Variants in DLL4 observed in about 807,000 individuals in gnomAD.
The protein encoded by DLL4 is delta like canonical Notch ligand 4, also known as delta-like protein 4.
In DLL4, 7 loss-of-function variants were observed where a neutral mutation model predicts 73.6. The ratio of observed to expected loss-of-function variants is 0.10; its 90% CI spans 0.05 to 0.18. The LOEUF is 0.18. Ranked by LOEUF, DLL4 falls within the 10% of genes least tolerant of loss-of-function variation. The pLI, the probability that DLL4 is intolerant of heterozygous loss-of-function variation, is 1.00. For synonymous variants in DLL4, 345 were observed against 374.3 expected (o/e 0.92, Z 0.90); for missense variants, 614 against 929.9 (o/e 0.66, Z 4.42).
chr15:40,936,304 C>T lies in DLL4; in HGVS notation c.1317C>T (p.Leu439=), dbSNP rs1202504602. ...RPGFTGTYCE[L]HVSDCARNPC... ...GATTCACGGGCACCTACTGTGAACT[C>T]CACGTCAGCGACTGTGCCCGTAACC... The change falls in exon 9 of 11, where the codon CTC becomes CTT. Residue 439 remains leucine, a synonymous_variant. Coordinates refer to ENST00000249749, the MANE Select transcript of DLL4 (RefSeq NM_019074.4). 1.1e-5 allele frequency: 18 copies of T among 1,609,136 alleles called. No individual in the cohort carries two copies. The highest frequency in any genetic ancestry group is 1.4e-5 in the Non-Finnish European group (17 of 1,178,350).
At chr15:40,937,634 G>A in intron 10 of DLL4, 108 bp downstream of exon 10, 2 of 841,392 alleles carry the variant, frequency 2.4e-6, no homozygotes, top group Non-Finnish European at 2.0e-6. Flanking sequence ...CCCTGCCTTG[G>A]CAGGCCAAGT....
chr15:40,935,212 T>G (rs1892826380), intron 8 of DLL4, 95 bp downstream of exon 8: 1 of 1,225,196 alleles, frequency 8.2e-7, no homozygotes, highest in South Asian at 1.4e-5. Context: ...AGGCATTGTC[T>G]GCCACTCTGG....
Position 40,932,239 on chromosome 15 carries a change from G to C in DLL4, c.719+8G>C, listed in dbSNP as rs970761430. Reference sequence around the variant, plus strand: ...CAAGCCAGCAGAGTGCCTGTGAGTAGGGGACAGGAAGTGGTGAGTGGGAGC... The same window carrying C: ...CAAGCCAGCAGAGTGCCTGTGAGTACGGGACAGGAAGTGGTGAGTGGGAGC... On this transcript the variant is annotated splice_region_variant and intron_variant, in intron 5 of 10. Transcript: ENST00000249749. 3.7e-6 allele frequency: 6 copies of C among 1,613,940 alleles called. No individual in the cohort carries two copies. The African/African-American group carries it at 8.0e-5, about 22-fold the overall frequency.
chr15:40,931,468 C>G, intron 3 of DLL4, 35 bp from the exon 4 acceptor site: 1 of 1,586,428 alleles, frequency 6.3e-7, no homozygotes, highest in Non-Finnish European at 8.6e-7. Context: ...TGGGGACTGG[C>G]GACCCTTCCC....
chr15:40,932,495 C>T (rs145277806), intron 6 of DLL4, 48 bp downstream of exon 6: 48,126 of 1,605,782 alleles, frequency 0.03, 872 homozygotes, highest in South Asian at 0.039. Context: ...AGATATGGGG[C>T]TGGGGGGTGG....
chr15:40,936,869 C>T lies in DLL4; in HGVS notation c.1882C>T (p.Pro628Ser), dbSNP rs1445413898. 1 of 1,612,854 alleles carries T rather than the reference C, an allele frequency of 6.2e-7. No homozygotes were observed. Among genetic ancestry groups the T allele is most frequent in the African/African-American group, 1.3e-5 (1 of 74,890 alleles). Residue 628 changes from proline (P) to serine (S), a missense_variant, in exon 9 of 11, where the codon CCA becomes TCA. Physicochemically the swap from Pro to Ser is moderately conservative, Grantham distance 74. This residue lies in a region of DLL4 where 386 missense variants were observed against 541.3 expected (regional missense o/e 0.71). Coordinates refer to ENST00000249749, the MANE Select transcript of DLL4 (RefSeq NM_019074.4). ...APGPLGRGTM[P>S]GKFPHSDKSL... ...AGGGCCCCTGGGGCGGGGGACCATGCCAGGAAAGTTTCCCCACAGTGACAA... is the reference window on the plus strand; with the variant it reads ...AGGGCCCCTGGGGCGGGGGACCATGTCAGGAAAGTTTCCCCACAGTGACAA...
rs777007347 is a variant in DLL4, at chr15:40,930,730, C to T, written c.394+48C>T. 6.3e-6 allele frequency: 10 copies of T among 1,584,564 alleles called. No homozygotes were observed. The highest frequency in any genetic ancestry group is 2.2e-5 in the South Asian group (2 of 89,772). On this transcript the variant is annotated intron_variant, in intron 3 of 10. Transcript: ENST00000249749. This position sits in a 1 kb window ranked among gnomAD's most constrained non-coding sequence, Gnocchi z 5.7. ...ACAGGGGGGCGACACGGCGCAGCGC[C>T]GAAAGAGTTAATCTGTTCTAGGCGG...
At chr15:40,931,094 C>T in intron 3 of DLL4, 1 of 368,514 alleles carries the variant, frequency 2.7e-6, no homozygotes, top group Non-Finnish European at 4.9e-6. Context: ...AAACCATTAC[C>T]CACCTCTGGA....
Position 40,936,441 on chromosome 15 carries a change from C to T in DLL4, c.1454C>T (p.Ala485Val), listed in dbSNP as rs1290395397. 1 of 1,611,128 alleles carries T rather than the reference C, an allele frequency of 6.2e-7. No individual in the cohort carries two copies. The change falls in exon 9 of 11, where the codon GCC becomes GTC. Residue 485 changes from alanine to valine, a missense_variant. Coordinates refer to ENST00000249749, the MANE Select transcript of DLL4 (RefSeq NM_019074.4). ...GTGCGGACATCCATCGATGCCTGTG[C>T]CTCGAGTCCCTGCTTCAACAGGGCC... is the stretch of plus-strand genomic sequence containing the variant. ...CEVRTSIDACASSPCFNRATC... is the reference protein window; with the variant it reads ...CEVRTSIDACVSSPCFNRATC...
At chr15:40,937,584 A>C (rs934439839) in intron 10 of DLL4, 58 bp downstream of exon 10, 1 of 1,282,550 alleles carries the variant, frequency 7.8e-7, no homozygotes, top group East Asian at 2.3e-5. Flanking sequence ...TGGCCTGGTC[A>C]CTCTTGACCC....
Position 40,930,719 on chromosome 15 carries a change from C to T in DLL4, c.394+37C>T, listed in dbSNP as rs1892756886. On this transcript the variant is annotated intron_variant, in intron 3 of 10. Coordinates refer to ENST00000249749, the MANE Select transcript of DLL4 (RefSeq NM_019074.4). This position sits in a 1 kb window ranked among gnomAD's most constrained non-coding sequence, Gnocchi z 5.7. The stretch of plus-strand genomic sequence containing the variant: ...GCTCCGCCACCACAGGGGGGCGACA[C>T]GGCGCAGCGCCGAAAGAGTTAATCT... The T allele has an allele frequency of 6.2e-7, 1 of 1,600,326 alleles. No homozygotes were observed. The highest frequency in any genetic ancestry group is 8.6e-7 in the Non-Finnish European group (1 of 1,168,482).
Position 40,938,292 on chromosome 15 carries a change from C to T in DLL4, c.*258C>T, listed in dbSNP as rs915297932. 6 of 382,892 alleles carry T rather than the reference C, an allele frequency of 1.6e-5. No individual in the cohort carries two copies. Among genetic ancestry groups the T allele is most frequent in the African/African-American group, 4.2e-5 (2 of 47,920 alleles). The allele number at this position is 382,892 out of a possible 1,614,324, so 23.7% of individuals were successfully genotyped here. On this transcript the variant is annotated 3_prime_UTR_variant, in exon 11 of 11. Coordinates refer to ENST00000249749, the MANE Select transcript of DLL4 (RefSeq NM_019074.4). ...AGAAGAGAAGAGAGATGCCACTGGG[C>T]ACTGCCCTGCCAGTAGTGGCCTTCA... is the stretch of plus-strand genomic sequence containing the variant.
rs1374510156 is a variant in DLL4 at position 40,929,607 on chromosome 15, A to C, written c.-62A>C. The C allele has an allele frequency of 5.7e-6, 8 of 1,407,318 alleles. No homozygotes were observed. The highest frequency in any genetic ancestry group is 7.5e-6 in the Non-Finnish European group (8 of 1,072,056). 87.2% of individuals were successfully genotyped at this position (1,407,318 alleles called of 1,614,324 possible). Reference sequence around the variant, plus strand: ...CCGCCGGCTGGCGGACGCGCGGGAAAGCGGCGTCGCGAACAGAGCCAGATT... The same window carrying C: ...CCGCCGGCTGGCGGACGCGCGGGAACGCGGCGTCGCGAACAGAGCCAGATT... On this transcript the variant is annotated 5_prime_UTR_variant, in exon 1 of 11. Transcript: ENST00000249749. The surrounding 1 kb of genome is among the most constrained non-coding windows in gnomAD (Gnocchi z 7.1).
rs966539891 is a variant in DLL4 at position 40,929,353 on chromosome 15, C to A, written c.-316C>A. The A allele has an allele frequency of 3.3e-5, 13 of 398,548 alleles. No homozygotes were observed. Among genetic ancestry groups the A allele is most frequent in the African/African-American group, 2.5e-4 (12 of 48,256 alleles). 24.7% of individuals were successfully genotyped at this position (398,548 alleles called of 1,614,324 possible). Reference sequence around the variant, plus strand: ...CGCGCAGGTTTCAGTAGCGGCGCTGCGCGCAGGCCGGGAACACGAGGCCAA... The same window carrying A: ...CGCGCAGGTTTCAGTAGCGGCGCTGAGCGCAGGCCGGGAACACGAGGCCAA... On this transcript the variant is annotated 5_prime_UTR_variant, in exon 1 of 11. Transcript: ENST00000249749. This position sits in a 1 kb window ranked among gnomAD's most constrained non-coding sequence, Gnocchi z 7.1.
chr15:40,929,984 C>G lies in DLL4; in HGVS notation c.204C>G (p.Val68=). 6.2e-7 allele frequency: 1 copy of G among 1,613,052 alleles called. No homozygotes were observed. The highest frequency in any genetic ancestry group is 8.5e-7 in the Non-Finnish European group (1 of 1,179,758). The change falls in exon 2 of 11, where the codon GTC becomes GTG. Residue 68 remains valine, a synonymous_variant. Transcript: ENST00000249749. This position sits in a 1 kb window ranked among gnomAD's most constrained non-coding sequence, Gnocchi z 7.1. The part of the protein sequence containing the change: ...FRVCLKHFQA[V]VSPGPCTFGT... Reference sequence around the variant, plus strand: ...TCTGCCTTAAGCACTTCCAGGCGGTCGTCTCGCCCGGACCCTGCACCTTCG... The same window carrying G: ...TCTGCCTTAAGCACTTCCAGGCGGTGGTCTCGCCCGGACCCTGCACCTTCG...
In DLL4 at chr15:40,937,490, A is replaced by G. The variant is rs1892862072; in HGVS notation, c.2016A>G (p.Ile672Met). The change falls in exon 10 of 11, where the codon ATA (isoleucine) becomes ATG (methionine). Residue 672 changes from isoleucine (I) to methionine (M), a missense_variant. This residue lies in a region of DLL4 where 386 missense variants were observed against 541.3 expected (regional missense o/e 0.71). Coordinates refer to ENST00000249749, the MANE Select transcript of DLL4 (RefSeq NM_019074.4). ...RDSMYQSVCL[I>M]SEERNECVIA... ...CCATGTACCAGTCTGTGTGTTTGATATCAGAGGAGAGGAATGAATGTGTCA... is the reference window on the plus strand; with the variant it reads ...CCATGTACCAGTCTGTGTGTTTGATGTCAGAGGAGAGGAATGAATGTGTCA... 3.7e-6 allele frequency: 6 copies of G among 1,613,556 alleles called. No homozygotes were observed. The highest frequency in any genetic ancestry group is 5.1e-6 in the Non-Finnish European group (6 of 1,179,566).
chr15:40,935,745 C>T (rs927583228), intron 8 of DLL4, among the ~76,000 whole-genome samples: 1 of 152,200 alleles, frequency 6.6e-6, no homozygotes, highest in African/African-American at 2.4e-5. Flanking sequence ...AATACCTGTC[C>T]TCTGTCCTTC....
At position 40,929,389 on chromosome 15, in the gene DLL4, C is replaced by G; in HGVS notation, c.-280C>G. The G allele has an allele frequency of 2.3e-6, 1 of 432,134 alleles. No individual in the cohort carries two copies. The highest frequency in any genetic ancestry group is 3.6e-5 in the East Asian group (1 of 27,948). 26.8% of individuals were successfully genotyped at this position (432,134 alleles called of 1,614,324 possible). ...GGAACACGAGGCCAAGAGCCGCAGC[C>G]CCAGCCGCCTTGGTGCAGCGTACAC... On this transcript the variant is annotated 5_prime_UTR_variant, in exon 1 of 11. Coordinates refer to ENST00000249749, the MANE Select transcript of DLL4 (RefSeq NM_019074.4). The surrounding 1 kb of genome is among the most constrained non-coding windows in gnomAD (Gnocchi z 7.1).
In DLL4 at chr15:40,929,858, C is replaced by G. The variant is rs779940325; in HGVS notation, c.78C>G (p.Gly26=). ...LVALWQQRAA[G]SGVFQLQLQE... is the part of the protein sequence containing the mutation. ...TCCCTGTGCAATAGCGCGCGGCCGG[C>G]TCCGGCGTCTTCCAGCTGCAGCTGC... Residue 26 remains glycine, a synonymous_variant, in exon 2 of 11, where the codon GGC becomes GGG. Coordinates refer to ENST00000249749, the MANE Select transcript of DLL4 (RefSeq NM_019074.4). The surrounding 1 kb of genome is among the most constrained non-coding windows in gnomAD (Gnocchi z 7.1). 2 of 1,611,626 alleles carry G rather than the reference C, an allele frequency of 1.2e-6. No individual in the cohort carries two copies. The highest frequency in any genetic ancestry group is 2.7e-5 in the African/African-American group (2 of 75,066).
Sources: allele counts gnomAD v4.1 joint callset (sites outside exome capture counted in the v4.1 genomes callset), GRCh38; gene constraint gnomAD v4.1.1; regional missense constraint gnomAD v4.1.1; non-coding constraint Gnocchi (gnomAD v3.1); transcripts MANE v1.5; gene names NCBI Gene and HGNC (gene_info 2026-07-23, HGNC 2026-07-21).